Variants in CPVL observed in about 807,000 individuals in gnomAD.
CPVL encodes probable serine carboxypeptidase CPVL.
Under a neutral mutation model 63.7 loss-of-function variants are expected in CPVL, and 51 were observed. The ratio of observed to expected loss-of-function variants is 0.80; its 90% confidence interval spans 0.64 to 1.01. The LOEUF (loss-of-function observed/expected upper bound fraction) is 1.01, where lower values mean the gene tolerates loss of function less well. CPVL is among the 50% of genes least tolerant of loss of function. The pLI, the probability that CPVL is intolerant of heterozygous loss-of-function variation, is 0.00. For missense variants in CPVL, 530 were observed against 573.1 expected (o/e 0.92, Z 0.77); for synonymous variants, 195 against 206.0 (o/e 0.95, Z 0.46).
At chr7:29,070,207 G>A (rs1224931614) in intron 9 of CPVL, among the ~76,000 whole-genome samples, 2 of 152,206 alleles carry the variant, frequency 1.3e-5, no homozygotes, top group African/African-American at 2.4e-5. Context: ...CGGTTTGGGA[G>A]AGATTCTCAC....
rs199767389 is a variant in CPVL at position 29,188,531 on chromosome 7, A to AT, written c.-447-1985dup. On this transcript the variant is annotated intron_variant, in intron 1 of 16. Transcript: ENST00000409850. ...AATGCCCATTTACTCTCCTTTTTTT[A>AT]TTTTTTTTTTAAAAAAAAGAGGATT... Among the ~76,000 whole-genome samples the AT allele has an allele frequency of 4.9e-3, 730 of 149,874 alleles. 2 individuals are homozygous for AT. Among genetic ancestry groups the AT allele is most frequent in the African/African-American group, 0.013 (529 of 40,898 alleles).
chr7:29,182,121 T>C (rs1322709438), intron 4 of CPVL, among the ~76,000 whole-genome samples: 2 of 152,322 alleles, frequency 1.3e-5, no homozygotes, highest in South Asian at 2.1e-4. Context: ...CTAACACTCA[T>C]TAATCACTCT....
chr7:29,087,777 T>C (rs1310705840), intron 6 of CPVL, among the ~76,000 whole-genome samples: 4 of 152,282 alleles, frequency 2.6e-5, no homozygotes, highest in African/African-American at 9.6e-5. Flanking sequence ...ATTGGGTCAT[T>C]ACAATCACCA....
intron 3 of CPVL, among the ~76,000 whole-genome samples, chr7:29,110,702 T>C (rs1198586673): frequency 1.3e-5 from 2 of 152,194 alleles, no homozygotes; most frequent in African/African-American, 4.8e-5. Context: ...ATTCCTAGAA[T>C]ATGTTAGGTT....
At chr7:29,042,853 C>G (rs183126117) in intron 11 of CPVL, among the ~76,000 whole-genome samples, 6 of 152,326 alleles carry the variant, frequency 3.9e-5, no homozygotes, top group Admixed American at 3.3e-4. Flanking sequence ...TGCTCAGAAG[C>G]TCTCAAAACG....
intron 3 of CPVL, among the ~76,000 whole-genome samples, chr7:29,102,591 G>T (rs573185216): frequency 3.3e-5 from 5 of 152,252 alleles, no homozygotes; most frequent in Admixed American, 1.3e-4. Context: ...AAATATTAAA[G>T]AAAGAACAAA....
chr7:29,156,314 C>T (rs79575135), intron 5 of CPVL, among the ~76,000 whole-genome samples: 2,839 of 152,176 alleles, frequency 0.019, 71 homozygotes, highest in African/African-American at 0.063. Flanking sequence ...AAACAAATTT[C>T]GATGATTAAA....
At chr7:29,089,874 T>G (rs1302888160) in intron 6 of CPVL, among the ~76,000 whole-genome samples, 7 of 151,862 alleles carry the variant, frequency 4.6e-5, no homozygotes, top group African/African-American at 1.7e-4. Context: ...TTTTTTTTTT[T>G]TAATTGAGAT....
intron 1 of CPVL, among the ~76,000 whole-genome samples, chr7:29,187,191 T>C (rs949148753): frequency 6.6e-6 from 1 of 152,160 alleles, no homozygotes; most frequent in African/African-American, 2.4e-5. Context: ...CTTTATCTTA[T>C]AGGGGCCAAA....
chr7:29,174,911 A>AAG (rs940177366), intron 5 of CPVL, among the ~76,000 whole-genome samples: 38 of 152,208 alleles, frequency 2.5e-4, no homozygotes, highest in African/African-American at 9.1e-4. Context: ...AAGAAGCTAG[A>AAG]AGAGAGAGAG....
At chr7:29,028,857 CG>C (rs563594399) in intron 12 of CPVL, among the ~76,000 whole-genome samples, 226 of 150,256 alleles carry the variant, frequency 1.5e-3, no homozygotes, top group Admixed American at 2.8e-3. Flanking sequence ...CCCAGCTACT[CG>C]GAAGGCTGAG....
At chr7:29,021,404 C>T (rs578198117) in intron 12 of CPVL, among the ~76,000 whole-genome samples, 1 of 152,070 alleles carries the variant, frequency 6.6e-6, no homozygotes, top group South Asian at 2.1e-4. Context: ...CGAAGAAGGA[C>T]CAGAATGGCA....
At chr7:29,114,063 G>A (rs1459683477) in intron 2 of CPVL, among the ~76,000 whole-genome samples, 1 of 152,140 alleles carries the variant, frequency 6.6e-6, no homozygotes, top group Admixed American at 6.5e-5. Flanking sequence ...GGCTCTGGAA[G>A]GCTAATTGTT....
chr7:29,085,666 C>G (rs1023962536), intron 7 of CPVL, among the ~76,000 whole-genome samples: 2 of 152,194 alleles, frequency 1.3e-5, no homozygotes, highest in African/African-American at 4.8e-5. Context: ...GGTGCCTTCA[C>G]AATGGCAAGA....
chr7:29,080,922 C>G (rs1232827189), intron 7 of CPVL, among the ~76,000 whole-genome samples: 24 of 152,200 alleles, frequency 1.6e-4, no homozygotes, highest in Admixed American at 1.5e-3. Context: ...AGAGAGTCTG[C>G]CCGTTTTTGC....
chr7:29,177,181 A>T (rs542672971), intron 5 of CPVL, among the ~76,000 whole-genome samples: 2 of 152,258 alleles, frequency 1.3e-5, no homozygotes, highest in African/African-American at 4.8e-5. Context: ...AGATTGCTTA[A>T]AGTAATTTAT....
chr7:29,120,991 A>T lies in CPVL; in HGVS notation c.71T>A (p.Phe24Tyr). 6.2e-7 allele frequency: 1 copy of T among 1,613,712 alleles called. No homozygotes were observed. The highest frequency in any genetic ancestry group is 8.5e-7 in the Non-Finnish European group (1 of 1,179,836). The stretch of plus-strand genomic sequence containing the variant: ...GGAAACACTTCTGTATAGGGAGCGA[A>T]ACAGCCCATCACAGGGGCCAGGCAT... ...LLMPGPCDGL[F>Y]RSLYRSVSMP... is the part of the protein sequence containing the mutation. Residue 24 changes from phenylalanine (F) to tyrosine (Y), a missense_variant, in exon 2 of 13, where the codon TTT becomes TAT. Coordinates refer to ENST00000265394, the MANE Select transcript of CPVL (RefSeq NM_031311.5).
chr7:29,167,350 C>G (rs1352850971), intron 5 of CPVL, among the ~76,000 whole-genome samples: 1 of 152,110 alleles, frequency 6.6e-6, no homozygotes, highest in Non-Finnish European at 1.5e-5. Context: ...CATATTCTAT[C>G]CTAAATGGTA....
chr7:29,003,998 C>T (rs755452817), intron 12 of CPVL, among the ~76,000 whole-genome samples: 4 of 152,104 alleles, frequency 2.6e-5, no homozygotes, highest in Admixed American at 6.5e-5. Context: ...AGTCTGTGAC[C>T]GAGGGATTGG....
Sources: allele counts gnomAD v4.1 joint callset (sites outside exome capture counted in the v4.1 genomes callset), GRCh38; gene constraint gnomAD v4.1.1; transcripts MANE v1.5; gene names NCBI Gene and HGNC (gene_info 2026-07-23, HGNC 2026-07-21).